Variants in FER1L6 observed in about 807,000 individuals in gnomAD.
FER1L6 encodes fer-1 like family member 6.
A neutral mutation model predicts 219.2 loss-of-function variants in FER1L6; 177 were observed. The observed-to-expected ratio is 0.81, with a 90% CI of 0.71 to 0.91. FER1L6 has a LOEUF of 0.91. Among genes scored for constraint, FER1L6 ranks in the 40% least tolerant of loss-of-function variants. FER1L6 has a pLI of 0.00. For synonymous variants in FER1L6, 768 were observed against 824.3 expected (o/e 0.93, Z 1.17); for missense variants, 2,153 against 2,259.9 (o/e 0.95, Z 0.96).
At chr8:123,887,108 T>C (rs1005436671) in intron 1 of FER1L6, among the ~76,000 whole-genome samples, 1 of 152,190 alleles carries the variant, frequency 6.6e-6, no homozygotes, top group African/African-American at 2.4e-5. Context: ...TTATCTTTCC[T>C]GAGTTCCTGT....
intron 18 of FER1L6, among the ~76,000 whole-genome samples, chr8:124,027,628 C>T (rs1818767697): frequency 6.6e-6 from 1 of 152,214 alleles, no homozygotes; most frequent in Admixed American, 6.5e-5. Flanking sequence ...GATAAAATCA[C>T]AGCTCACTGT....
chr8:123,957,048 G>A (rs1245331840), intron 2 of FER1L6, among the ~76,000 whole-genome samples: 1 of 152,154 alleles, frequency 6.6e-6, no homozygotes, highest in East Asian at 1.9e-4. Context: ...AGCAGCTCAA[G>A]GCTAGTTTTC....
intron 18 of FER1L6, among the ~76,000 whole-genome samples, chr8:124,029,302 G>A (rs1350358376): frequency 6.6e-6 from 1 of 152,134 alleles, no homozygotes; most frequent in African/African-American, 2.4e-5. Context: ...GAGAGTAGTG[G>A]GATTGCTGGA....
chr8:124,027,680 C>T (rs1339612485), intron 18 of FER1L6, among the ~76,000 whole-genome samples: 1 of 152,190 alleles, frequency 6.6e-6, no homozygotes, highest in African/African-American at 2.4e-5. Flanking sequence ...CCACCTTAGC[C>T]TCCTGAATAG....
At chr8:124,060,879 G>A (rs1052796366) in intron 24 of FER1L6, 170 bp downstream of exon 24, 17 of 755,912 alleles carry the variant, frequency 2.2e-5, no homozygotes, top group African/African-American at 1.9e-4. Flanking sequence ...GTTTTGAAAC[G>A]TTTCCAGTGT....
At chr8:124,036,960 T>G (rs1819243042) in intron 19 of FER1L6, among the ~76,000 whole-genome samples, 1 of 152,132 alleles carries the variant, frequency 6.6e-6, no homozygotes, top group Non-Finnish European at 1.5e-5. Context: ...AACTAGTGGG[T>G]GACATAGAGA....
chr8:123,944,284 A>G (rs912653350), intron 1 of FER1L6, among the ~76,000 whole-genome samples: 3 of 148,530 alleles, frequency 2.0e-5, no homozygotes, highest in Non-Finnish European at 4.5e-5. Flanking sequence ...TATTCATCTT[A>G]TTATATATAT....
intron 1 of FER1L6, among the ~76,000 whole-genome samples, chr8:123,907,538 A>C (rs1586454835): frequency 6.6e-6 from 1 of 151,936 alleles, no homozygotes; most frequent in East Asian, 2.0e-4. Context: ...TTTGTTGGAC[A>C]ACCTTTAGTT....
chr8:123,954,117 T>C (rs889250540), intron 1 of FER1L6, among the ~76,000 whole-genome samples: 1 of 152,166 alleles, frequency 6.6e-6, no homozygotes, highest in African/African-American at 2.4e-5. Flanking sequence ...AGTAGTTCTT[T>C]CCATTATACA....
chr8:123,886,655 C>G (rs1187796111), intron 1 of FER1L6, among the ~76,000 whole-genome samples: 1 of 152,194 alleles, frequency 6.6e-6, no homozygotes. Context: ...ATTGTAATTT[C>G]TCTAAGACAG....
rs1375643458 is a variant in FER1L6 at position 124,010,864 on chromosome 8, T to A, written c.1821+150T>A. The A allele has an allele frequency of 2.6e-6, 3 of 1,137,604 alleles. No homozygotes were observed. The African/African-American group carries it at 4.7e-5, about 18-fold the overall frequency. 70.5% of individuals were successfully genotyped at this position (1,137,604 alleles called of 1,614,324 possible). A position where few individuals can be genotyped will look rare whatever the true frequency, so the allele number is the denominator to read the frequency against. On this transcript the variant is annotated intron_variant, in intron 14 of 40. Coordinates refer to ENST00000522917, the MANE Select transcript of FER1L6 (RefSeq NM_001039112.2). ...TTTGGAGGGCACGTGGATCCTACTA[T>A]GCAAATCTAGGGGAATGAGACCTCA...
chr8:124,092,948 C>A (rs1052553489), intron 34 of FER1L6, among the ~76,000 whole-genome samples: 1 of 151,592 alleles, frequency 6.6e-6, no homozygotes, highest in East Asian at 1.9e-4. Flanking sequence ...CTCCACCTCC[C>A]GGGTAGCTGG....
At chr8:123,959,465 A>G (rs971459929) in intron 2 of FER1L6, among the ~76,000 whole-genome samples, 2 of 152,196 alleles carry the variant, frequency 1.3e-5, no homozygotes, top group African/African-American at 4.8e-5. Flanking sequence ...TCCTTCTGGC[A>G]GCTCTGCAGT....
intron 20 of FER1L6, among the ~76,000 whole-genome samples, chr8:124,044,766 A>T (rs978538868): frequency 6.6e-6 from 1 of 152,242 alleles, no homozygotes; most frequent in Non-Finnish European, 1.5e-5. Context: ...TGCCCCGCAA[A>T]CAACTCCAGT....
At chr8:123,856,306 A>ATATG (rs1554607981) in intron 1 of FER1L6, among the ~76,000 whole-genome samples, 2 of 74,936 alleles carry the variant, frequency 2.7e-5, no homozygotes, top group African/African-American at 1.2e-4. Flanking sequence ...ATATATATAT[A>ATATG]TATGTATGTG....
chr8:123,934,584 G>A (rs1347147876), intron 1 of FER1L6, among the ~76,000 whole-genome samples: 3 of 151,514 alleles, frequency 2.0e-5, no homozygotes, highest in Non-Finnish European at 2.9e-5. Flanking sequence ...CTCAATGTAT[G>A]GCTGGAGGAG....
In FER1L6 at chr8:123,853,478, T is replaced by C. The variant is rs1215599591; in HGVS notation, c.-8+1293T>C. On this transcript the variant is annotated intron_variant, in intron 1 of 40. Transcript: ENST00000522917. The surrounding 1 kb of genome is among the most constrained non-coding windows in gnomAD (Gnocchi z 6.6). ...CCTAAAATAGAAGAAATCATTTTTA[T>C]TCAACAGTTCTTAGAAAGGTCTTAA... Among the ~76,000 whole-genome samples the C allele has an allele frequency of 6.6e-6, 1 of 152,212 alleles. No individual in the cohort carries two copies. The highest frequency in any genetic ancestry group is 1.5e-5 in the Non-Finnish European group (1 of 68,040).
chr8:123,875,895 T>C (rs991863954), intron 1 of FER1L6, among the ~76,000 whole-genome samples: 8 of 152,232 alleles, frequency 5.3e-5, no homozygotes, highest in African/African-American at 1.9e-4. Context: ...GTCACTACCA[T>C]TCTGCCCCAA....
At chr8:123,952,923 C>T (rs1187085206) in intron 1 of FER1L6, among the ~76,000 whole-genome samples, 1 of 152,166 alleles carries the variant, frequency 6.6e-6, no homozygotes, top group Non-Finnish European at 1.5e-5. Context: ...TAATATCACC[C>T]TGTGAATTGG....
Sources: gnomAD v4.1 joint callset for allele counts (sites outside exome capture counted in the v4.1 genomes callset) on GRCh38, gnomAD v4.1.1 for gene constraint, Gnocchi (gnomAD v3.1) non-coding constraint, MANE v1.5 for transcripts, NCBI Gene and HGNC (gene_info 2026-07-23, HGNC 2026-07-21) for gene names.